Variants in HS3ST5 observed in about 807,000 individuals in gnomAD.
The protein encoded by HS3ST5 is heparan sulfate-glucosamine 3-sulfotransferase 5.
HS3ST5 carries 10 observed loss-of-function variants against 25.4 expected under a neutral mutation model. The observed-to-expected ratio is 0.39, with a 90% CI of 0.24 to 0.67. The LOEUF (loss-of-function observed/expected upper bound fraction) is 0.67. Among genes scored for constraint, HS3ST5 ranks in the 30% least tolerant of loss-of-function variants. The pLI is 0.44. For synonymous variants in HS3ST5, 170 were observed against 162.4 expected (o/e 1.05, Z -0.36); for missense variants, 324 against 420.7 (o/e 0.77, Z 2.01).
chr6:114,262,551 GA>G (rs755438082), intron 1 of HS3ST5, among the ~76,000 whole-genome samples: 10,189 of 135,844 alleles, frequency 0.075, 365 homozygotes, highest in South Asian at 0.17. Context: ...TGTCTCAAAA[GA>G]AAAAAAAAAA....
intron 3 of HS3ST5, among the ~76,000 whole-genome samples, chr6:114,162,371 C>A (rs1227086479): frequency 1.3e-5 from 2 of 152,164 alleles, no homozygotes; most frequent in Non-Finnish European, 2.9e-5. Flanking sequence ...GTCACGTCTT[C>A]CTTTGAACTA....
chr6:114,154,785 C>T (rs1005528544), intron 3 of HS3ST5, among the ~76,000 whole-genome samples: 16 of 152,166 alleles, frequency 1.1e-4, no homozygotes, highest in African/African-American at 2.9e-4. Flanking sequence ...GGATGTGCTT[C>T]ACGCAGATGT....
At chr6:114,204,531 T>G (rs1224297766) in intron 2 of HS3ST5, among the ~76,000 whole-genome samples, 1 of 152,190 alleles carries the variant, frequency 6.6e-6, no homozygotes, top group Non-Finnish European at 1.5e-5. Context: ...GGTTGATGCA[T>G]TTTTTAAATC....
chr6:114,117,742 C>G (rs1439328864), intron 3 of HS3ST5, among the ~76,000 whole-genome samples: 1 of 152,088 alleles, frequency 6.6e-6, no homozygotes, highest in Non-Finnish European at 1.5e-5. Flanking sequence ...ATCAAGCAGG[C>G]CAGATATAAT....
intron 2 of HS3ST5, among the ~76,000 whole-genome samples, chr6:114,184,551 A>C (rs1213963387): frequency 6.6e-6 from 1 of 152,232 alleles, no homozygotes; most frequent in Non-Finnish European, 1.5e-5. Flanking sequence ...GTGACCATAG[A>C]GATTTTTCAC....
At chr6:114,166,749 T>G (rs1779233016) in intron 3 of HS3ST5, among the ~76,000 whole-genome samples, 1 of 152,062 alleles carries the variant, frequency 6.6e-6, no homozygotes, top group South Asian at 2.1e-4. Context: ...GGAATAACCA[T>G]TTTGTTTTTC....
At chr6:114,179,273 A>G (rs915178691) in intron 2 of HS3ST5, 3 of 152,230 alleles carry the variant, frequency 2.0e-5, no homozygotes, top group African/African-American at 7.2e-5. Context: ...TGAATAAACA[A>G]ATGCAATTCA....
intron 2 of HS3ST5, among the ~76,000 whole-genome samples, chr6:114,198,798 T>G (rs1251099419): frequency 6.7e-6 from 1 of 149,388 alleles, no homozygotes; most frequent in Non-Finnish European, 1.5e-5. Flanking sequence ...TTAGTACAAG[T>G]TTTTTTTTTA....
In HS3ST5 at chr6:114,254,877, A is replaced by G. The variant is rs1772833299; in HGVS notation, c.-338-26099T>C. Among the ~76,000 whole-genome samples the G allele has an allele frequency of 2.0e-5, 3 of 152,200 alleles. No homozygotes were observed. In the South Asian group the frequency reaches 6.2e-4, roughly 32 times the overall value. ...AAACATTGGAATTAGGGGAGCTAAA[A>G]TTCAAGATGAGATTTGGGTAGGGAC... On this transcript the variant is annotated intron_variant, in intron 1 of 4. Coordinates refer to ENST00000312719, the MANE Select transcript of HS3ST5 (RefSeq NM_153612.4).
intron 2 of HS3ST5, among the ~76,000 whole-genome samples, chr6:114,219,193 T>C (rs1429581357): frequency 6.6e-6 from 1 of 152,250 alleles, no homozygotes; most frequent in African/African-American, 2.4e-5. Flanking sequence ...CTATATTGTC[T>C]GTCAAGCTGT....
chr6:114,251,549 G>A (rs1291119667), intron 1 of HS3ST5: 1 of 152,220 alleles, frequency 6.6e-6, no homozygotes, highest in Non-Finnish European at 1.5e-5. Context: ...TGGTTTGGAT[G>A]GAATTCACTC....
At chr6:114,205,276 A>G (rs986710015) in intron 2 of HS3ST5, among the ~76,000 whole-genome samples, 2 of 152,116 alleles carry the variant, frequency 1.3e-5, no homozygotes, top group African/African-American at 4.8e-5. Flanking sequence ...TAACCAGCCT[A>G]TTAGGTATAA....
At position 114,177,210 on chromosome 6, in the gene HS3ST5, ATAGT is replaced by A. The variant is rs745579961; in HGVS notation, c.-144-8752_-144-8749del. 3.3e-5 allele frequency among the ~76,000 whole-genome samples: 5 copies of A among 152,218 alleles called. No homozygotes were observed. The South Asian group carries it at 6.2e-4, about 19-fold the overall frequency. On this transcript the variant is annotated intron_variant, in intron 2 of 4. Transcript: ENST00000312719. ...TTTATCCACAAGAATAACCCTTGAA[ATAGT>A]TAGGCCTTTTGAGATGGGTTGCAAT...
intron 3 of HS3ST5, among the ~76,000 whole-genome samples, chr6:114,085,942 C>CCG (rs1774787032): frequency 7.4e-6 from 1 of 134,306 alleles, no homozygotes; most frequent in Non-Finnish European, 1.6e-5. Context: ...TTGCCCCCCC[C>CCG]CCCATTTAAT....
chr6:114,110,583 C>T (rs914272552), intron 3 of HS3ST5, among the ~76,000 whole-genome samples: 1 of 152,074 alleles, frequency 6.6e-6, no homozygotes, highest in South Asian at 2.1e-4. Context: ...CAAAAGAAAT[C>T]AGAAATGAAT....
intron 1 of HS3ST5, among the ~76,000 whole-genome samples, chr6:114,266,002 G>A (rs1478586979): frequency 6.6e-6 from 1 of 152,030 alleles, no homozygotes; most frequent in African/African-American, 2.4e-5. Context: ...CTCAGAAATT[G>A]ATCTTATAGC....
intron 3 of HS3ST5, among the ~76,000 whole-genome samples, chr6:114,126,782 G>C (rs978553449): frequency 6.6e-6 from 1 of 152,096 alleles, no homozygotes; most frequent in African/African-American, 2.4e-5. Context: ...AGGCATTTCA[G>C]GCACCCTGCT....
intron 1 of HS3ST5, among the ~76,000 whole-genome samples, chr6:114,266,077 C>T (rs1371925228): frequency 6.6e-6 from 1 of 152,204 alleles, no homozygotes; most frequent in African/African-American, 2.4e-5. Context: ...GGATCCCAAA[C>T]TGAATTCATC....
In HS3ST5 at chr6:114,265,670, A is replaced by C. The variant is rs1378535454; in HGVS notation, c.-338-36892T>G. ...AAATCCCTGGCCAAGATTACCAATG[A>C]CCTTCATACCAAATCTAATGAAGAT... On this transcript the variant is annotated intron_variant, in intron 1 of 4. Coordinates refer to ENST00000312719, the MANE Select transcript of HS3ST5 (RefSeq NM_153612.4). 2.0e-5 allele frequency among the ~76,000 whole-genome samples: 3 copies of C among 152,256 alleles called. No homozygotes were observed. In the East Asian group the frequency reaches 5.8e-4, roughly 29 times the overall value.
Sources: allele counts gnomAD v4.1 joint callset (sites outside exome capture counted in the v4.1 genomes callset), GRCh38; gene constraint gnomAD v4.1.1; transcripts MANE v1.5; gene names NCBI Gene and HGNC (gene_info 2026-07-23, HGNC 2026-07-21).